Variants in THSD7B observed in about 807,000 individuals in gnomAD.
THSD7B encodes the protein thrombospondin type-1 domain-containing protein 7B.
In THSD7B, 138 loss-of-function variants were observed where a neutral mutation model predicts 213.6. The observed-to-expected ratio is 0.65, with a 90% CI of 0.56 to 0.74. The LOEUF (loss-of-function observed/expected upper bound fraction) is 0.74. THSD7B is among the 30% of genes least tolerant of loss of function. The pLI is 0.00. For missense variants in THSD7B, 1,931 were observed against 1,991.5 expected (o/e 0.97, Z 0.58); for synonymous variants, 742 against 687.0 (o/e 1.08, Z -1.25).
intron 7 of THSD7B, among the ~76,000 whole-genome samples, chr2:137,211,100 T>G (rs1472259550): frequency 6.6e-6 from 1 of 151,994 alleles, no homozygotes; most frequent in African/African-American, 2.4e-5. Flanking sequence ...TGCAAGATAC[T>G]TCCTTGACAT....
chr2:137,427,488 G>C (rs1687085335), intron 14 of THSD7B, among the ~76,000 whole-genome samples: 1 of 151,864 alleles, frequency 6.6e-6, no homozygotes, highest in Non-Finnish European at 1.5e-5. Flanking sequence ...GTGCTTGTGT[G>C]TGTGTGTAAT....
chr2:137,287,425 A>T (rs1364371477), intron 12 of THSD7B, among the ~76,000 whole-genome samples: 1 of 152,124 alleles, frequency 6.6e-6, no homozygotes, highest in African/African-American at 2.4e-5. Flanking sequence ...TTGCATTTTA[A>T]TCTACGTGAA....
intron 9 of THSD7B, among the ~76,000 whole-genome samples, chr2:137,235,351 C>A (rs1681741523): frequency 6.6e-6 from 1 of 152,126 alleles, no homozygotes; most frequent in Non-Finnish European, 1.5e-5. Flanking sequence ...TTTAGCATGC[C>A]TGAAGCCTGA....
chr2:136,800,044 A>T (rs968175484), intron 1 of THSD7B, among the ~76,000 whole-genome samples: 2 of 152,024 alleles, frequency 1.3e-5, no homozygotes, highest in Non-Finnish European at 2.9e-5. Flanking sequence ...GGAATAAGAA[A>T]TATTCTGATA....
chr2:137,026,553 CT>C, intron 2 of THSD7B, among the ~76,000 whole-genome samples: 1 of 152,242 alleles, frequency 6.6e-6, no homozygotes, highest in East Asian at 1.9e-4. Flanking sequence ...ATGAACTAGC[CT>C]TTTGATCTTT....
At chr2:137,585,985 G>T (rs1293831994) in intron 17 of THSD7B, among the ~76,000 whole-genome samples, 1 of 151,990 alleles carries the variant, frequency 6.6e-6, no homozygotes, top group Admixed American at 6.6e-5. Flanking sequence ...CTCTTTGTAG[G>T]TCTCTAAGGA....
At chr2:136,828,190 G>A (rs1167973919) in intron 1 of THSD7B, among the ~76,000 whole-genome samples, 2 of 151,960 alleles carry the variant, frequency 1.3e-5, no homozygotes, top group African/African-American at 4.8e-5. Context: ...AAACTCAAAA[G>A]CCCCATCTTA....
At chr2:137,377,692 T>C (rs571140635) in intron 12 of THSD7B, among the ~76,000 whole-genome samples, 4 of 152,040 alleles carry the variant, frequency 2.6e-5, no homozygotes, top group Non-Finnish European at 5.9e-5. Context: ...AGTGGTGCGA[T>C]CCTGATTCAC....
At chr2:137,111,408 C>T (rs1483691655) in intron 4 of THSD7B, among the ~76,000 whole-genome samples, 3 of 151,986 alleles carry the variant, frequency 2.0e-5, no homozygotes, top group Non-Finnish European at 2.9e-5. Flanking sequence ...TGCCATTTAC[C>T]GTTTTAATCT....
chr2:137,377,306 G>A (rs1685678152), intron 12 of THSD7B, among the ~76,000 whole-genome samples: 1 of 152,128 alleles, frequency 6.6e-6, no homozygotes, highest in South Asian at 2.1e-4. Flanking sequence ...GTCCTTAATG[G>A]AGGATAAAAT....
chr2:137,049,998 A>T (rs1004519873), intron 2 of THSD7B, among the ~76,000 whole-genome samples: 1 of 152,174 alleles, frequency 6.6e-6, no homozygotes, highest in African/African-American at 2.4e-5. Context: ...GTGTGTGTAA[A>T]TAAAATTGTC....
At chr2:136,789,296 G>A (rs1356038353) in intron 1 of THSD7B, among the ~76,000 whole-genome samples, 1 of 151,840 alleles carries the variant, frequency 6.6e-6, no homozygotes, top group Non-Finnish European at 1.5e-5. Context: ...CAATCCTAAA[G>A]AGCTGATGAT....
chr2:136,852,556 T>C (rs1269835212), intron 1 of THSD7B, among the ~76,000 whole-genome samples: 1 of 152,110 alleles, frequency 6.6e-6, no homozygotes, highest in Non-Finnish European at 1.5e-5. Flanking sequence ...CTACAAAAAT[T>C]GTTAGATGAT....
At chr2:137,156,877 G>A (rs1021347745) in intron 5 of THSD7B, among the ~76,000 whole-genome samples, 3 of 152,194 alleles carry the variant, frequency 2.0e-5, no homozygotes, top group African/African-American at 7.2e-5. Flanking sequence ...GGTTGTGGCA[G>A]CAGCTGTCAG....
chr2:136,782,266 G>A (rs1207338018), intron 1 of THSD7B, among the ~76,000 whole-genome samples: 2 of 152,066 alleles, frequency 1.3e-5, no homozygotes, highest in African/African-American at 2.4e-5. Flanking sequence ...CTGCGTTTGT[G>A]TATTACTACC....
intron 1 of THSD7B, among the ~76,000 whole-genome samples, chr2:136,851,933 C>CTATATATATATATATATATATATATA (rs35929047): frequency 6.8e-5 from 10 of 148,038 alleles, no homozygotes; most frequent in African/African-American, 2.5e-4. Context: ...CAATACACAA[C>CTATATATATATATATATATATATATA]TATATATATA....
chr2:137,159,003 A>G (rs1679960079), intron 5 of THSD7B, among the ~76,000 whole-genome samples: 1 of 152,196 alleles, frequency 6.6e-6, no homozygotes, highest in Non-Finnish European at 1.5e-5. Context: ...AAGAGTAATT[A>G]CTTAATGCAT....
chr2:137,521,540 C>G (rs953232286), intron 15 of THSD7B, among the ~76,000 whole-genome samples: 1 of 152,184 alleles, frequency 6.6e-6, no homozygotes, highest in Non-Finnish European at 1.5e-5. Context: ...TTGTTGGACT[C>G]TTTCTCTTGC....
At chr2:136,975,726 G>A (rs1460748527) in intron 2 of THSD7B, among the ~76,000 whole-genome samples, 2 of 152,202 alleles carry the variant, frequency 1.3e-5, no homozygotes, top group Middle Eastern at 3.2e-3. Flanking sequence ...AGTGAAGAAT[G>A]TCAATGGTAG....
Sources: allele counts gnomAD v4.1 joint callset (sites outside exome capture counted in the v4.1 genomes callset), GRCh38; gene constraint gnomAD v4.1.1; transcripts MANE v1.5; gene names NCBI Gene and HGNC (gene_info 2026-07-23, HGNC 2026-07-21).